Variants in GPAT3 observed in about 807,000 individuals in gnomAD.
GPAT3 encodes the protein glycerol-3-phosphate acyltransferase 3, also known as 1-AGP acyltransferase 9.
Under a neutral mutation model 58.8 loss-of-function variants are expected in GPAT3, and 53 were observed. That is an observed-to-expected ratio of 0.90 (90% CI 0.72 to 1.13). The LOEUF is 1.13. Ranked by LOEUF, GPAT3 falls within the 50% of genes most tolerant of loss-of-function variation. The pLI is 0.00. For synonymous variants in GPAT3, 197 were observed against 187.4 expected (o/e 1.05, Z -0.42); for missense variants, 511 against 527.6 (o/e 0.97, Z 0.31).
At chr4:83,585,890 G>C (rs1192830796) in intron 3 of GPAT3, among the ~76,000 whole-genome samples, 1 of 152,116 alleles carries the variant, frequency 6.6e-6, no homozygotes, top group Non-Finnish European at 1.5e-5. Flanking sequence ...TATTTCTCTT[G>C]TTTTAAATAA....
At chr4:83,579,074 CTTTCTTCCCTT>C (rs1560621376) in intron 2 of GPAT3, among the ~76,000 whole-genome samples, 53 of 30,198 alleles carry the variant, frequency 1.8e-3, no homozygotes, top group Non-Finnish European at 2.8e-3. Flanking sequence ...TTCTTTCTTT[CTTTCTTCCCTT>C]CCTTCCTTCC....
intron 2 of GPAT3, among the ~76,000 whole-genome samples, chr4:83,558,331 G>A (rs1034239450): frequency 2.0e-5 from 3 of 152,128 alleles, no homozygotes; most frequent in Admixed American, 2.0e-4. Context: ...AAAAAACTGG[G>A]CTGGGTTACG....
intron 11 of GPAT3, among the ~76,000 whole-genome samples, chr4:83,604,270 T>C (rs6855835): frequency 0.62 from 93,945 of 151,918 alleles, 29,157 homozygotes; most frequent in Middle Eastern, 0.74. Context: ...AGGGTTTCAC[T>C]ATGTTGGCCA....
chr4:83,562,675 A>G (rs1422428538), intron 2 of GPAT3, among the ~76,000 whole-genome samples: 1 of 152,148 alleles, frequency 6.6e-6, no homozygotes, highest in Non-Finnish European at 1.5e-5. Context: ...AAAGACATTT[A>G]CAAGGGCTGG....
rs1310904760 is a variant in GPAT3, at chr4:83,588,307, T to C, written c.644+8T>C. On this transcript the variant is annotated splice_region_variant and intron_variant, in intron 5 of 11. Coordinates refer to ENST00000264409, the MANE Select transcript of GPAT3 (RefSeq NM_032717.5). Reference sequence around the variant, plus strand: ...CATTCATTATCATAACAAGTGAGTATCTGCTCCAATGTGCCTGTCTTTTTC... The same window carrying C: ...CATTCATTATCATAACAAGTGAGTACCTGCTCCAATGTGCCTGTCTTTTTC... 2 of 1,460,280 alleles carry C rather than the reference T, an allele frequency of 1.4e-6. No individual in the cohort carries two copies. Among genetic ancestry groups the C allele is most frequent in the East Asian group, 5.0e-5 (2 of 39,662 alleles). The allele number at this position is 1,460,280 out of a possible 1,614,324, so 90.5% of individuals were successfully genotyped here.
chr4:83,591,509 A>G (rs903083393), intron 6 of GPAT3, among the ~76,000 whole-genome samples: 1 of 152,224 alleles, frequency 6.6e-6, no homozygotes, highest in African/African-American at 2.4e-5. Context: ...GTTAGGAATT[A>G]GTTGATAGTT....
chr4:83,576,796 G>A (rs1421265758), intron 2 of GPAT3, among the ~76,000 whole-genome samples: 2 of 152,104 alleles, frequency 1.3e-5, no homozygotes, highest in East Asian at 3.8e-4. Context: ...ATTAAGGCCA[G>A]AGTCATCAAT....
intron 8 of GPAT3, 97 bp downstream of exon 8, chr4:83,597,010 C>T: frequency 1.9e-6 from 2 of 1,061,250 alleles, no homozygotes; most frequent in Non-Finnish European, 2.8e-6. Context: ...AACCTTAGCC[C>T]AGATCTCTGC....
At chr4:83,574,531 A>G (rs1312141559) in intron 2 of GPAT3, among the ~76,000 whole-genome samples, 3 of 150,330 alleles carry the variant, frequency 2.0e-5, no homozygotes, top group Non-Finnish European at 4.4e-5. Context: ...CCAAGCATGG[A>G]CTGTGTTGGC....
At chr4:83,601,034 C>T (rs1476586690) in intron 11 of GPAT3, among the ~76,000 whole-genome samples, 2 of 152,174 alleles carry the variant, frequency 1.3e-5, no homozygotes, top group Non-Finnish European at 1.5e-5. Flanking sequence ...CCTGAACCAG[C>T]AGAGGATGGT....
intron 1 of GPAT3, among the ~76,000 whole-genome samples, chr4:83,542,864 G>A (rs1025850713): frequency 6.6e-6 from 1 of 152,128 alleles, no homozygotes; most frequent in Admixed American, 6.5e-5. Flanking sequence ...TGGGCCTGGT[G>A]GTGGGTGCCT....
chr4:83,598,958 T>A (rs1205286715), intron 11 of GPAT3, among the ~76,000 whole-genome samples: 2 of 151,712 alleles, frequency 1.3e-5, no homozygotes, highest in African/African-American at 4.8e-5. Context: ...CCCAGCTATT[T>A]TAAAATTTTT....
At chr4:83,537,648 G>A (rs1379949159) in intron 1 of GPAT3, among the ~76,000 whole-genome samples, 1 of 151,278 alleles carries the variant, frequency 6.6e-6, no homozygotes, top group Non-Finnish European at 1.5e-5. Flanking sequence ...AAGAGACAGG[G>A]TCTTGCTATC....
intron 1 of GPAT3, among the ~76,000 whole-genome samples, chr4:83,538,075 T>A (rs1724169509): frequency 6.6e-6 from 1 of 152,184 alleles, no homozygotes; most frequent in Non-Finnish European, 1.5e-5. Context: ...CCACAGTGCC[T>A]TCTAATAAGT....
chr4:83,560,746 C>T (rs1208383698), intron 2 of GPAT3, among the ~76,000 whole-genome samples: 2 of 152,150 alleles, frequency 1.3e-5, no homozygotes, highest in Admixed American at 6.5e-5. Flanking sequence ...ATGAATGGTT[C>T]AGCACCATCC....
chr4:83,601,409 T>C (rs1224934700), intron 11 of GPAT3, among the ~76,000 whole-genome samples: 2 of 152,234 alleles, frequency 1.3e-5, no homozygotes, highest in African/African-American at 4.8e-5. Flanking sequence ...ATATCCATTA[T>C]GCAAATTAAC....
At chr4:83,536,087 G>A (rs1163581233), upstream of GPAT3, 3 of 985,448 alleles carry the variant, frequency 3.0e-6, no homozygotes, top group African/African-American at 1.7e-5. Flanking sequence ...GAAATAGGGC[G>A]CTGGGCGCCC....
At chr4:83,579,062 CTTTCTTTCTTTCTTTCTTCCCTTCCTT>C (rs1725983448) in intron 2 of GPAT3, among the ~76,000 whole-genome samples, 5 of 39,784 alleles carry the variant, frequency 1.3e-4, no homozygotes, top group African/African-American at 4.9e-4. Context: ...TTCTTTCTTT[CTTTCTTTCTTTCTTTCTTCCCTTCCTT>C]CCTTCCTTCC....
rs113506084 is a variant in GPAT3, at chr4:83,536,131, C to T, written c.-492C>T. The T allele has an allele frequency of 8.1e-6, 8 of 985,734 alleles. No individual in the cohort carries two copies. Among genetic ancestry groups the T allele is most frequent in the Non-Finnish European group, 9.6e-6 (8 of 830,190 alleles). The allele number at this position is 985,734 out of a possible 1,614,324, so 61.1% of individuals were successfully genotyped here. ...CCAGCTTCCAGCACAGCCCGCGGCC[C>T]GGTGCCAGCTCCGCCGGCGACCGGT... On this transcript the variant is annotated 5_prime_UTR_variant, in exon 1 of 12. Coordinates refer to ENST00000264409, the MANE Select transcript of GPAT3 (RefSeq NM_032717.5).
Sources: allele counts gnomAD v4.1 joint callset (sites outside exome capture counted in the v4.1 genomes callset), GRCh38; gene constraint gnomAD v4.1.1; transcripts MANE v1.5; gene names NCBI Gene and HGNC (gene_info 2026-07-23, HGNC 2026-07-21).